The following CD46 variants were observed in gnomAD, a reference collection of about 807,000 sequenced individuals.
CD46 encodes CD46 molecule.
Under a neutral mutation model 53.3 loss-of-function variants are expected in CD46, and 30 were observed. That is an observed-to-expected ratio of 0.56 (90% confidence interval 0.42 to 0.76). CD46 has a LOEUF of 0.76. Among genes scored for constraint, CD46 ranks in the 30% least tolerant of loss-of-function variants. CD46 has a pLI of 0.00. For synonymous variants in CD46, 142 were observed against 152.0 expected, an observed-to-expected ratio of 0.93 and a Z score of 0.48; for missense variants, 409 against 463.0, an observed-to-expected ratio of 0.88 and a Z score of 1.07.
At chr1:207,767,612 C>T (rs1292625113) in intron 6 of CD46, 167 bp from the exon 7 acceptor site, 1 of 1,612,310 alleles carries the variant, frequency 6.2e-7, no homozygotes, top group East Asian at 2.2e-5. Context: ...CCTAGTGCTG[C>T]CTCCATCTAG....
intron 1 of CD46, among the ~76,000 whole-genome samples, chr1:207,754,559 G>A (rs1655303901): frequency 6.6e-6 from 1 of 152,166 alleles, no homozygotes; most frequent in Admixed American, 6.5e-5. Flanking sequence ...CTCTGTATCT[G>A]TTAAATACCA....
intron 8 of CD46, among the ~76,000 whole-genome samples, chr1:207,778,298 T>C (rs748090897): frequency 1.3e-5 from 2 of 152,146 alleles, no homozygotes; most frequent in Non-Finnish European, 2.9e-5. Context: ...ACTTCAATCG[T>C]ACTTGTCAAT....
At chr1:207,785,470 CAA>C in intron 10 of CD46, 147 bp from the exon 11 acceptor site, 1 of 720,380 alleles carries the variant, frequency 1.4e-6, no homozygotes, top group Non-Finnish European at 2.5e-6. Flanking sequence ...ATTTAGATAG[CAA>C]AGAGTCTGGA....
In CD46 at chr1:207,767,660, G is replaced by A. The variant is rs765601069; in HGVS notation, c.857-119G>A. ...AGCTTTGAGTCATTCAGGTTTAGTA[G>A]CTTCTTCCTTATATGTCTTCTTCCT... On this transcript the variant is annotated intron_variant, in intron 6 of 12. Coordinates refer to ENST00000367042, the MANE Select transcript of CD46 (RefSeq NM_172351.3). 18 of 1,611,312 alleles carry A rather than the reference G, an allele frequency of 1.1e-5. No homozygotes were observed. The Admixed American group carries it at 3.0e-4, about 27-fold the overall frequency.
chr1:207,769,517 T>C (rs1025044006), intron 7 of CD46: 2 of 152,168 alleles, frequency 1.3e-5, no homozygotes, highest in African/African-American at 2.4e-5. Flanking sequence ...TCATAAAGTA[T>C]TTATAAAACA....
intron 9 of CD46, 62 bp from the exon 10 acceptor site, chr1:207,785,009 T>C (rs1478053477): frequency 5.1e-6 from 7 of 1,384,388 alleles, no homozygotes; most frequent in East Asian, 2.3e-5. Flanking sequence ...GATGATCTGA[T>C]TGAAATAAAT....
intron 1 of CD46, among the ~76,000 whole-genome samples, chr1:207,754,399 GGT>G (rs1655278340): frequency 6.6e-6 from 1 of 151,970 alleles, no homozygotes; most frequent in African/African-American, 2.4e-5. Flanking sequence ...CCCCATCTCA[GGT>G]TGAACACATA....
chr1:207,767,672 T>C (rs756852115), intron 6 of CD46, 107 bp from the exon 7 acceptor site: 43 of 1,607,980 alleles, frequency 2.7e-5, no homozygotes, highest in Middle Eastern at 1.6e-4. Flanking sequence ...TTCTTCCTTA[T>C]ATGTCTTCTT....
chr1:207,755,921 G>T (rs1026321008), intron 1 of CD46, among the ~76,000 whole-genome samples: 5 of 152,154 alleles, frequency 3.3e-5, no homozygotes, highest in Non-Finnish European at 7.4e-5. Flanking sequence ...TAGCTACTCT[G>T]AGTGACATAT....
At chr1:207,766,899 T>C (rs1656912389) in intron 5 of CD46, 114 bp from the exon 6 acceptor site, 2 of 778,404 alleles carry the variant, frequency 2.6e-6, no homozygotes, top group Non-Finnish European at 4.3e-6. Flanking sequence ...AAAAATGTTT[T>C]TAACATCTTG....
intron 1 of CD46, among the ~76,000 whole-genome samples, chr1:207,753,100 T>A (rs1385562868): frequency 6.6e-6 from 1 of 152,120 alleles, no homozygotes; most frequent in Non-Finnish European, 1.5e-5. Flanking sequence ...CCATCGAGTC[T>A]TCTTCCTGTT....
In CD46 at chr1:207,794,728, T is replaced by C. The variant is rs1288061263; in HGVS notation, c.*1251T>C. 5 of 152,228 alleles carry C rather than the reference T, an allele frequency of 3.3e-5. No homozygotes were observed. Among genetic ancestry groups the C allele is most frequent in the Non-Finnish European group, 5.9e-5 (4 of 68,040 alleles). The allele number at this position is 152,228 out of a possible 1,614,324, so 9.4% of individuals were successfully genotyped here. A position where few individuals can be genotyped will look rare whatever the true frequency, so the allele number is the denominator to read the frequency against. ...AGTAAATATAGCTCAGGTAGCACTT[T>C]ATACTCAGGCAGATCTCAGCCCTCT... On this transcript the variant is annotated 3_prime_UTR_variant, in exon 13 of 13. Coordinates refer to ENST00000367042, the MANE Select transcript of CD46 (RefSeq NM_172351.3).
intron 12 of CD46, among the ~76,000 whole-genome samples, chr1:207,792,323 T>TG (rs1659870533): frequency 6.6e-6 from 1 of 152,076 alleles, no homozygotes; most frequent in African/African-American, 2.4e-5. Context: ...ATAGTGGTCT[T>TG]GGAGAATTCA....
In CD46 at chr1:207,789,770, C is replaced by T. The variant is rs138545821; in HGVS notation, c.1083-483C>T. 2.3e-4 allele frequency among the ~76,000 whole-genome samples: 34 copies of T among 149,144 alleles called. No individual in the cohort carries two copies. In the East Asian group the frequency reaches 6.3e-3, roughly 28 times the overall value. On this transcript the variant is annotated intron_variant, in intron 11 of 12. Coordinates refer to ENST00000367042, the MANE Select transcript of CD46 (RefSeq NM_172351.3). ...GTGTTAGGCCGGGTTTGGTGGCTCA[C>T]GCCTGTAATCCCAGCAACTTTGTGA...
At chr1:207,768,121 A>T in intron 7 of CD46, 1 of 341,542 alleles carries the variant, frequency 2.9e-6, no homozygotes, top group Non-Finnish European at 5.5e-6. Flanking sequence ...GGTATTAGTA[A>T]GGTATAAGTG....
intron 1 of CD46, among the ~76,000 whole-genome samples, chr1:207,754,907 A>C (rs565323472): frequency 7.0e-4 from 106 of 151,318 alleles, no homozygotes; most frequent in Admixed American, 1.7e-3. Context: ...TAGTGCTAGA[A>C]GTTCAGCCTG....
chr1:207,753,744 G>T (rs1655186051), intron 1 of CD46, among the ~76,000 whole-genome samples: 1 of 151,958 alleles, frequency 6.6e-6, no homozygotes, highest in South Asian at 2.1e-4. Flanking sequence ...AGAATCAAAA[G>T]ACAGCTATTT....
intron 5 of CD46, among the ~76,000 whole-genome samples, chr1:207,762,227 A>G (rs1656296183): frequency 1.3e-5 from 2 of 152,260 alleles, no homozygotes; most frequent in Admixed American, 6.5e-5. Context: ...ATAAAAACAC[A>G]ACATCTCAAA....
At chr1:207,768,305 T>A (rs554810582) in intron 7 of CD46, 84 of 160,512 alleles carry the variant, frequency 5.2e-4, no homozygotes, top group South Asian at 1.4e-3. Context: ...TATGTATGTT[T>A]TGTGTCATCA....
Sources: allele counts gnomAD v4.1 joint callset (sites outside exome capture counted in the v4.1 genomes callset), GRCh38; gene constraint gnomAD v4.1.1; transcripts MANE v1.5; gene names NCBI Gene and HGNC (gene_info 2026-07-23, HGNC 2026-07-21).